Variants in RBMS3 observed in about 807,000 individuals in gnomAD.
The protein encoded by RBMS3 is RNA binding motif single stranded interacting protein 3.
In RBMS3, 27 loss-of-function variants were observed where a neutral mutation model predicts 66.8. The observed-to-expected ratio is 0.40, with a 90% CI of 0.30 to 0.56. The LOEUF is 0.56. RBMS3 is among the 20% of genes least tolerant of loss of function. RBMS3 has a pLI of 0.40. For synonymous variants in RBMS3, 188 were observed against 183.0 expected, an observed-to-expected ratio of 1.03 and a Z score of -0.22; for missense variants, 513 against 549.5, an observed-to-expected ratio of 0.93 and a Z score of 0.66.
At chr3:29,433,480 T>C (rs146286686) in intron 1 of RBMS3, among the ~76,000 whole-genome samples, 2 of 152,334 alleles carry the variant, frequency 1.3e-5, no homozygotes, top group African/African-American at 4.8e-5. Flanking sequence ...CATATTATTG[T>C]TATTTTTGCT....
At chr3:29,367,951 A>G (rs1229158110) in intron 1 of RBMS3, among the ~76,000 whole-genome samples, 1 of 152,176 alleles carries the variant, frequency 6.6e-6, no homozygotes, top group African/African-American at 2.4e-5. Context: ...CCTAAGAAAA[A>G]AAATCAAGAT....
In RBMS3 at chr3:29,798,159, A is replaced by C. The variant is rs77669013; in HGVS notation, c.637+35170A>C. On this transcript the variant is annotated intron_variant, in intron 6 of 14. Transcript: ENST00000383767. ...ACAATAGTAACATCAAAGAATATAGATCATAGATTACCATCACAGATAAAA... is the reference window on the plus strand; with the variant it reads ...ACAATAGTAACATCAAAGAATATAGCTCATAGATTACCATCACAGATAAAA... Among the ~76,000 whole-genome samples the C allele has an allele frequency of 3.1e-3, 472 of 151,242 alleles. 2 individuals carry two copies. The highest frequency in any genetic ancestry group is 0.011 in the African/African-American group (434 of 41,110).
chr3:29,346,108 A>T (rs547120687), intron 1 of RBMS3, among the ~76,000 whole-genome samples: 48 of 152,332 alleles, frequency 3.2e-4, no homozygotes, highest in Middle Eastern at 6.8e-3. Context: ...AACAAAGGGA[A>T]TACTTGCATA....
chr3:29,584,125 A>G (rs1368260437), intron 3 of RBMS3, among the ~76,000 whole-genome samples: 2 of 152,122 alleles, frequency 1.3e-5, no homozygotes, highest in Admixed American at 1.3e-4. Flanking sequence ...GCAAATCATG[A>G]TAGTGACATC....
intron 4 of RBMS3, among the ~76,000 whole-genome samples, chr3:29,729,613 A>G (rs1250567194): frequency 1.3e-5 from 2 of 152,236 alleles, no homozygotes; most frequent in African/African-American, 2.4e-5. Flanking sequence ...AACGGTGTAA[A>G]AGCGTTCCTA....
chr3:29,876,265 A>G (rs1380426465), intron 7 of RBMS3, among the ~76,000 whole-genome samples: 2 of 152,164 alleles, frequency 1.3e-5, no homozygotes, highest in African/African-American at 4.8e-5. Flanking sequence ...AATCTCAGTA[A>G]TAAGCTTGCT....
chr3:29,840,144 C>T (rs538726755), intron 6 of RBMS3, among the ~76,000 whole-genome samples: 17 of 152,062 alleles, frequency 1.1e-4, no homozygotes, highest in Non-Finnish European at 1.5e-4. Context: ...GGGGCAACAG[C>T]ATATCGGCTG....
At chr3:29,654,696 TTCTC>T (rs199619267) in intron 4 of RBMS3, among the ~76,000 whole-genome samples, 2,011 of 151,960 alleles carry the variant, frequency 0.013, 46 homozygotes, top group African/African-American at 0.046. Context: ...GTTCAAGTGA[TTCTC>T]TCACCTCAGC....
At chr3:29,373,530 A>C (rs1258511895) in intron 1 of RBMS3, among the ~76,000 whole-genome samples, 1 of 152,200 alleles carries the variant, frequency 6.6e-6, no homozygotes, top group Non-Finnish European at 1.5e-5. Context: ...GTGGGAAGGA[A>C]ACCCTTGGTG....
At chr3:29,810,529 T>A (rs1163259163) in intron 6 of RBMS3, among the ~76,000 whole-genome samples, 1 of 152,150 alleles carries the variant, frequency 6.6e-6, no homozygotes, top group Non-Finnish European at 1.5e-5. Context: ...CACAATGGAA[T>A]GTGCTGTAGG....
At chr3:29,943,242 T>C (rs1342167322) in intron 11 of RBMS3, among the ~76,000 whole-genome samples, 1 of 151,680 alleles carries the variant, frequency 6.6e-6, no homozygotes, top group African/African-American at 2.4e-5. Flanking sequence ...GGAATAAGAG[T>C]CACACAAGAG....
At chr3:29,813,873 A>T (rs1183878726) in intron 6 of RBMS3, among the ~76,000 whole-genome samples, 19 of 152,120 alleles carry the variant, frequency 1.2e-4, no homozygotes, top group Non-Finnish European at 2.2e-4. Context: ...GCTTAAGGAG[A>T]TTTTGGGCTG....
At chr3:29,894,447 G>A (rs915249174) in intron 8 of RBMS3, among the ~76,000 whole-genome samples, 1 of 151,236 alleles carries the variant, frequency 6.6e-6, no homozygotes, top group Non-Finnish European at 1.5e-5. Context: ...AAACTCCTGG[G>A]GCTACCATCT....
intron 10 of RBMS3, among the ~76,000 whole-genome samples, chr3:29,906,270 A>G (rs536691426): frequency 6.6e-6 from 1 of 152,230 alleles, no homozygotes; most frequent in South Asian, 2.1e-4. Context: ...AAATAAGTCT[A>G]TATAGCTCAC....
At chr3:29,617,535 C>A (rs1488752988) in intron 4 of RBMS3, among the ~76,000 whole-genome samples, 1 of 152,114 alleles carries the variant, frequency 6.6e-6, no homozygotes, top group Non-Finnish European at 1.5e-5. Context: ...AGGAGTAGTT[C>A]ACTCACTTAG....
intron 1 of RBMS3, among the ~76,000 whole-genome samples, chr3:29,338,531 A>G (rs1377121760): frequency 2.0e-5 from 3 of 152,182 alleles, no homozygotes; most frequent in Non-Finnish European, 4.4e-5. Flanking sequence ...ATTTCTGCTC[A>G]GACTTACTGA....
At chr3:29,397,760 G>C (rs964935326) in intron 1 of RBMS3, among the ~76,000 whole-genome samples, 1 of 151,932 alleles carries the variant, frequency 6.6e-6, no homozygotes, top group African/African-American at 2.4e-5. Flanking sequence ...TGTCACTCAG[G>C]CTGGATTCGA....
chr3:29,710,017 T>C (rs1057103537), intron 4 of RBMS3, among the ~76,000 whole-genome samples: 1 of 152,228 alleles, frequency 6.6e-6, no homozygotes, highest in Non-Finnish European at 1.5e-5. Flanking sequence ...TTCGTAACTT[T>C]CTTGTGAAAT....
intron 2 of RBMS3, among the ~76,000 whole-genome samples, chr3:29,480,488 G>A (rs1411671525): frequency 6.6e-6 from 1 of 152,164 alleles, no homozygotes; most frequent in Non-Finnish European, 1.5e-5. Flanking sequence ...AGAACCAGAT[G>A]AAGGTAATGC....
Sources: gnomAD v4.1 joint callset for allele counts (sites outside exome capture counted in the v4.1 genomes callset) on GRCh38, gnomAD v4.1.1 for gene constraint, MANE v1.5 for transcripts, NCBI Gene and HGNC (gene_info 2026-07-23, HGNC 2026-07-21) for gene names.